STMN1: variants seen among roughly 807,000 people sequenced by gnomAD.
STMN1 encodes the protein stathmin 1.
In STMN1, 3 loss-of-function variants were observed where a neutral mutation model predicts 19.7. The ratio of observed to expected loss-of-function variants is 0.15; its 90% CI spans 0.07 to 0.39. STMN1 has a LOEUF of 0.39. Among genes scored for constraint, STMN1 ranks in the 10% least tolerant of loss-of-function variants. The pLI is 1.00. For missense variants in STMN1, 99 were observed against 176.0 expected (o/e 0.56, Z 2.48); for synonymous variants, 59 against 58.9 (o/e 1.00, Z -0.01).
At chr1:25,884,634 T>C (rs2048706812), downstream of STMN1, 1 of 148,216 alleles carries the variant, frequency 6.7e-6, no homozygotes, top group Non-Finnish European at 1.5e-5. Context: ...AGGTGGGGCT[T>C]GCAGTGAGCC....
downstream of STMN1, chr1:25,900,091 G>T (rs2048853885): frequency 1.0e-6 from 1 of 985,626 alleles, no homozygotes; most frequent in Non-Finnish European, 1.2e-6. Context: ...AATAATTAAG[G>T]TTCCCTTTAG....
downstream of STMN1, among the ~76,000 whole-genome samples, chr1:25,895,692 C>T (rs1158928715): frequency 6.6e-6 from 1 of 152,268 alleles, no homozygotes; most frequent in Non-Finnish European, 1.5e-5. Context: ...CAGATTTTCA[C>T]ATGGAATTGT....
At chr1:25,892,501 C>T (rs1409940700) in intron 4 of STMN1, 1 of 983,780 alleles carries the variant, frequency 1.0e-6, no homozygotes, top group East Asian at 1.1e-4. Flanking sequence ...TGAACCAGTT[C>T]TTTCTCTCTT....
downstream of STMN1, chr1:25,884,790 A>G (rs2048708592): frequency 6.5e-6 from 1 of 153,456 alleles, no homozygotes. Flanking sequence ...CAGCAATTTC[A>G]TCAGCATCCA....
intron 4 of STMN1, among the ~76,000 whole-genome samples, chr1:25,888,511 G>A (rs895552346): frequency 6.6e-6 from 1 of 152,102 alleles, no homozygotes; most frequent in African/African-American, 2.4e-5. Context: ...TGAACTCTGG[G>A]TTGACTAGCT....
At chr1:25,888,960 G>A (rs149866476) in intron 4 of STMN1, 7 of 451,672 alleles carry the variant, frequency 1.5e-5, no homozygotes, top group East Asian at 1.3e-4. Context: ...GCTTGACTCC[G>A]CTTCTTGCCA....
At chr1:25,895,155 T>G (rs769274933), downstream of STMN1, among the ~76,000 whole-genome samples, 12 of 144,718 alleles carry the variant, frequency 8.3e-5, no homozygotes, top group Non-Finnish European at 1.5e-4. Context: ...CAGACTGGAG[T>G]GCGGTGGCGT....
chr1:25,901,922 A>C, intron 3 of STMN1: 1 of 278,378 alleles, frequency 3.6e-6, no homozygotes, highest in Non-Finnish European at 6.7e-6. Flanking sequence ...AGGCAGAAGA[A>C]TTGCTTGAAC....
downstream of STMN1, chr1:25,884,363 C>T (rs985341626): frequency 2.0e-5 from 3 of 151,930 alleles, no homozygotes; most frequent in Admixed American, 6.6e-5. Flanking sequence ...TGCCAAAGTC[C>T]GGCAGGGCTC....
intron 1 of STMN1, chr1:25,905,462 C>A (rs2048928032): frequency 3.3e-5 from 5 of 152,252 alleles, no homozygotes. Flanking sequence ...GAATTAGACG[C>A]AGCACCGGAC....
chr1:25,900,390 C>T lies in STMN1; in HGVS notation c.*626G>A. On this transcript the variant is annotated 3_prime_UTR_variant, in exon 5 of 5. Coordinates refer to ENST00000455785, the MANE Select transcript of STMN1 (RefSeq NM_005563.4). ...GGCTGAGGCATCCAAACAAAGCAGT[C>T]ATTGTGGAAGGAGACAATGCAAACC... is the stretch of plus-strand genomic sequence containing the variant. 1 of 985,640 alleles carries T rather than the reference C, an allele frequency of 1.0e-6. No homozygotes were observed. The highest frequency in any genetic ancestry group is 1.2e-6 in the Non-Finnish European group (1 of 829,948). 61.1% of individuals were successfully genotyped at this position (985,640 alleles called of 1,614,324 possible). A position where few individuals can be genotyped will look rare whatever the true frequency, so the allele number is the denominator to read the frequency against.
At chr1:25,887,773 G>A (rs1572291015) in intron 4 of STMN1, among the ~76,000 whole-genome samples, 1 of 152,028 alleles carries the variant, frequency 6.6e-6, no homozygotes, top group Non-Finnish European at 1.5e-5. Flanking sequence ...TGTAACCTCC[G>A]CCTCCCGAGT....
intron 4 of STMN1, among the ~76,000 whole-genome samples, chr1:25,894,325 G>A (rs1361156973): frequency 1.3e-5 from 2 of 152,026 alleles, no homozygotes. Context: ...TGGCAATGGT[G>A]TTTAGATGTT....
At chr1:25,903,552 C>T (rs948543030) in intron 3 of STMN1, 89 bp downstream of exon 3, 3 of 1,534,132 alleles carry the variant, frequency 2.0e-6, no homozygotes, top group Non-Finnish European at 2.7e-6. Context: ...AGTGTAGCTA[C>T]AATTCTGTTT....
Position 25,900,211 on chromosome 1 carries a change from T to C in STMN1, c.*805A>G. On this transcript the variant is annotated 3_prime_UTR_variant, in exon 5 of 5. Coordinates refer to ENST00000455785, the MANE Select transcript of STMN1 (RefSeq NM_005563.4). ...ATGAGGACATGCCCCACCTGTAACG[T>C]AGAGCAAGCAAACCACCAAGTAGAA... 1 of 985,866 alleles carries C rather than the reference T, an allele frequency of 1.0e-6. No homozygotes were observed. The highest frequency in any genetic ancestry group is 1.2e-6 in the Non-Finnish European group (1 of 829,934). The allele number at this position is 985,866 out of a possible 1,614,324, so 61.1% of individuals were successfully genotyped here.
At chr1:25,894,230 G>C (rs1230581705) in intron 4 of STMN1, among the ~76,000 whole-genome samples, 1 of 152,208 alleles carries the variant, frequency 6.6e-6, no homozygotes. Context: ...CTCCTGTGCA[G>C]GGTACAGTCT....
intron 4 of STMN1, chr1:25,885,964 C>T (rs2048717954): frequency 7.2e-7 from 1 of 1,396,252 alleles, no homozygotes; most frequent in Non-Finnish European, 9.4e-7. Flanking sequence ...AACAGTGGTT[C>T]TCAAACTTTG....
chr1:25,900,789 T>C lies in STMN1; in HGVS notation c.*227A>G, dbSNP rs752026249. On this transcript the variant is annotated 3_prime_UTR_variant, in exon 5 of 5. Coordinates refer to ENST00000455785, the MANE Select transcript of STMN1 (RefSeq NM_005563.4). ...AGTAGAAAAGATGCAACAAGAAAAA[T>C]AGCTACATTAGAAAGACCAACACTT... 86 of 1,336,562 alleles carry C rather than the reference T, an allele frequency of 6.4e-5. 1 individual carries two copies. Among genetic ancestry groups the C allele is most frequent in the Middle Eastern group, 2.8e-4 (1 of 3,572 alleles). 82.8% of individuals were successfully genotyped at this position (1,336,562 alleles called of 1,614,324 possible). A position where few individuals can be genotyped will look rare whatever the true frequency, so the allele number is the denominator to read the frequency against.
At position 25,904,705 on chromosome 1, in the gene STMN1, G is replaced by A. The variant is rs1487030240; in HGVS notation, c.-29C>T. ...GAATAGAAGACAAGCGACAGGCAGT[G>A]TATTCTGCACAATCAACTGGGATAA... On this transcript the variant is annotated 5_prime_UTR_variant, in exon 2 of 5. Coordinates refer to ENST00000455785, the MANE Select transcript of STMN1 (RefSeq NM_005563.4). The A allele has an allele frequency of 6.2e-7, 1 of 1,612,878 alleles. No individual in the cohort carries two copies. Among genetic ancestry groups the A allele is most frequent in the Non-Finnish European group, 8.5e-7 (1 of 1,179,672 alleles).
Sources: gnomAD v4.1 joint callset for allele counts (sites outside exome capture counted in the v4.1 genomes callset) on GRCh38, gnomAD v4.1.1 for gene constraint, MANE v1.5 for transcripts, NCBI Gene and HGNC (gene_info 2026-07-23, HGNC 2026-07-21) for gene names.